The following AFF2 variants were observed in gnomAD, a reference collection of about 807,000 sequenced individuals.
AFF2 encodes ALF transcription elongation factor 2.
A neutral mutation model predicts 76.9 loss-of-function variants in AFF2; 14 were observed. The ratio of observed to expected loss-of-function variants is 0.18; its 90% CI spans 0.12 to 0.28. The LOEUF (loss-of-function observed/expected upper bound fraction) is 0.28, where lower values mean the gene tolerates loss of function less well. Among genes scored for constraint, AFF2 ranks in the 10% least tolerant of loss-of-function variants. AFF2 has a pLI of 1.00. For synonymous variants in AFF2, 398 were observed against 366.7 expected (o/e 1.09, Z -0.98); for missense variants, 868 against 1,001.1 (o/e 0.87, Z 1.79).
rs782620142 is a variant in AFF2 at position 148,930,793 on chromosome X, A to T, written c.1398-22787A>T. 8.9e-5 allele frequency among the ~76,000 whole-genome samples: 10 copies of T among 112,409 alleles called. No individual in the cohort carries two copies. In the South Asian group the frequency reaches 3.8e-3, roughly 42 times the overall value. ...TAAATAACACAGTGCTCCTGGTCCC[A>T]TGGCCACTAAGGCAGTGCTATTTCT... On this transcript the variant is annotated intron_variant, in intron 9 of 20. Transcript: ENST00000370460.
At position 148,513,976 on chromosome X, in the gene AFF2, G is replaced by A. The variant is rs1227381109; in HGVS notation, c.47+12832G>A. Among the ~76,000 whole-genome samples the A allele has an allele frequency of 3.6e-5, 4 of 111,502 alleles. 1 individual carries two copies. The highest frequency in any genetic ancestry group is 1.9e-4 in the Admixed American group (2 of 10,453). ...GTCCCACCCAGCTACAGTGGCAGAA[G>A]TTGGGAAGAGGGCCCACTCATAAAT... On this transcript the variant is annotated intron_variant, in intron 1 of 20. Coordinates refer to ENST00000370460, the MANE Select transcript of AFF2 (RefSeq NM_002025.4).
intron 1 of AFF2, among the ~76,000 whole-genome samples, chrX:148,540,396 T>TA (rs1295869613): frequency 2.2e-5 from 2 of 89,402 alleles, no homozygotes; most frequent in Non-Finnish European, 4.3e-5. Context: ...GCTGACCAGC[T>TA]AAAAAGTGAC....
chrX:148,843,699 T>G (rs1457900317), intron 7 of AFF2, among the ~76,000 whole-genome samples: 1 of 111,616 alleles, frequency 9.0e-6, no homozygotes, highest in Non-Finnish European at 1.9e-5. Context: ...CTGAGAAGTT[T>G]GAGATCAATG....
intron 1 of AFF2, among the ~76,000 whole-genome samples, chrX:148,550,790 A>ATGAT (rs1233551137): frequency 1.8e-5 from 2 of 111,642 alleles, no homozygotes; most frequent in Non-Finnish European, 3.8e-5. Flanking sequence ...TCAGTGCTTG[A>ATGAT]TAAGATTACA....
intron 3 of AFF2, among the ~76,000 whole-genome samples, chrX:148,759,826 T>C (rs1181226097): frequency 1.8e-5 from 2 of 112,344 alleles, no homozygotes; most frequent in East Asian, 2.8e-4. Flanking sequence ...ACTTCCACGA[T>C]GTACTGTGAT....
At chrX:148,517,966 T>C (rs2124209771) in intron 1 of AFF2, among the ~76,000 whole-genome samples, 1 of 102,155 alleles carries the variant, frequency 9.8e-6, no homozygotes, top group African/African-American at 3.7e-5. Flanking sequence ...GGGCTTGCAG[T>C]GAGCCAAGAT....
Position 148,967,352 on chromosome X carries a change from C to A in AFF2, c.3203+273C>A, listed in dbSNP as rs782165021. On this transcript the variant is annotated intron_variant, in intron 14 of 20. Transcript: ENST00000370460. ...TATCCATGTCCTCACATATAACCAA[C>A]ACACAGATGTATAGCTAGGTTTTGT... Among the ~76,000 whole-genome samples, 9 of 111,905 alleles carry A rather than the reference C, an allele frequency of 8.0e-5. No homozygotes were observed. In the East Asian group the frequency reaches 2.2e-3, roughly 28 times the overall value.
intron 4 of AFF2, chrX:148,822,256 C>T (rs189308163): frequency 1.7e-4 from 19 of 111,267 alleles, no homozygotes; most frequent in African/African-American, 4.6e-4. Flanking sequence ...AGAAATGGAC[C>T]GTGAGAGCTT....
At chrX:148,522,270 G>A (rs2052610425) in intron 1 of AFF2, among the ~76,000 whole-genome samples, 1 of 112,637 alleles carries the variant, frequency 8.9e-6, no homozygotes, top group Non-Finnish European at 1.9e-5. Context: ...ATTTAACTAT[G>A]CGGGCTGTCC....
At chrX:148,953,436 C>G (rs182335063) in intron 9 of AFF2, 144 bp from the exon 10 acceptor site, 7 of 624,777 alleles carry the variant, frequency 1.1e-5, no homozygotes, top group African/African-American at 2.3e-5. Flanking sequence ...CCTCCTAAGC[C>G]TCACGTTTCC....
Position 148,890,120 on chromosome X carries a change from G to T in AFF2, c.1359+4135G>T, listed in dbSNP as rs545333818. On this transcript the variant is annotated intron_variant, in intron 8 of 20. Coordinates refer to ENST00000370460, the MANE Select transcript of AFF2 (RefSeq NM_002025.4). Reference sequence around the variant, plus strand: ...ATGGCAAACTTGAATGAAAATGTCTGTCATCCTAAAGTTTATTAGCTGTGT... The same window carrying T: ...ATGGCAAACTTGAATGAAAATGTCTTTCATCCTAAAGTTTATTAGCTGTGT... 5.4e-5 allele frequency among the ~76,000 whole-genome samples: 6 copies of T among 111,968 alleles called. No individual in the cohort carries two copies. In the South Asian group the frequency reaches 2.2e-3, roughly 42 times the overall value.
At chrX:148,971,922 C>A (rs12381819) in intron 15 of AFF2, among the ~76,000 whole-genome samples, 1 of 22,899 alleles carries the variant, frequency 4.4e-5, no homozygotes, top group East Asian at 1.1e-3. Context: ...ATCCCTCCCC[C>A]CTCCCCCGAC....
chrX:148,979,133 G>A (rs2072362055), intron 18 of AFF2, among the ~76,000 whole-genome samples: 1 of 111,881 alleles, frequency 8.9e-6, no homozygotes, highest in South Asian at 3.8e-4. Flanking sequence ...TTTAGAGTTG[G>A]GGAGACTCAA....
intron 9 of AFF2, among the ~76,000 whole-genome samples, chrX:148,926,784 A>ATG (rs781927422): frequency 2.7e-5 from 3 of 111,974 alleles, no homozygotes; most frequent in Non-Finnish European, 3.8e-5. Flanking sequence ...TTCAATCCAT[A>ATG]TTCGTTGATT....
chrX:148,521,372 ATG>A (rs1557234456), intron 1 of AFF2, among the ~76,000 whole-genome samples: 3 of 88,254 alleles, frequency 3.4e-5, no homozygotes, highest in African/African-American at 8.8e-5. Context: ...AAGCACGTGC[ATG>A]CACACACACA....
At chrX:148,960,267 G>A (rs1486225342) in intron 12 of AFF2, among the ~76,000 whole-genome samples, 1 of 112,436 alleles carries the variant, frequency 8.9e-6, no homozygotes, top group Non-Finnish European at 1.9e-5. Flanking sequence ...ACGTCTTCAT[G>A]GCTATGATTA....
intron 3 of AFF2, among the ~76,000 whole-genome samples, chrX:148,801,844 ACT>A (rs377112778): frequency 7.2e-5 from 8 of 111,158 alleles, no homozygotes; most frequent in African/African-American, 2.6e-4. Context: ...TTGTTTATTC[ACT>A]CTCTCCACCT....
chrX:148,701,012 A>ATGTGTGTG (rs10675200), intron 3 of AFF2, among the ~76,000 whole-genome samples: 1,870 of 73,606 alleles, frequency 0.025, 30 homozygotes, highest in Middle Eastern at 0.1. Flanking sequence ...GAGAGAGAGA[A>ATGTGTGTG]TGTGTGTGTG....
intron 1 of AFF2, among the ~76,000 whole-genome samples, chrX:148,549,295 G>T (rs1454530844): frequency 8.9e-6 from 1 of 112,247 alleles, no homozygotes; most frequent in Non-Finnish European, 1.9e-5. Context: ...TAGAGTGAAT[G>T]CGTGGAAGAA....
Sources: gnomAD v4.1 joint callset for allele counts (sites outside exome capture counted in the v4.1 genomes callset) on GRCh38, gnomAD v4.1.1 for gene constraint, MANE v1.5 for transcripts, NCBI Gene and HGNC (gene_info 2026-07-23, HGNC 2026-07-21) for gene names.